Variants in EYA4 observed in about 807,000 individuals in gnomAD.
EYA4 encodes EYA transcriptional coactivator and phosphatase 4, also known as protein phosphatase EYA4.
Under a neutral mutation model 87.9 loss-of-function variants are expected in EYA4, and 31 were observed. That is an observed-to-expected ratio of 0.35 (90% CI 0.27 to 0.48). EYA4 has a LOEUF of 0.48. Ranked by LOEUF, EYA4 falls within the 20% of genes least tolerant of loss-of-function variation. EYA4 has a pLI of 0.99. For synonymous variants in EYA4, 263 were observed against 270.6 expected, an observed-to-expected ratio of 0.97 and a Z score of 0.28; for missense variants, 678 against 761.4, an observed-to-expected ratio of 0.89 and a Z score of 1.29.
intron 3 of EYA4, among the ~76,000 whole-genome samples, chr6:133,419,385 CTT>C (rs1318015026): frequency 6.6e-6 from 1 of 152,162 alleles, no homozygotes; most frequent in African/African-American, 2.4e-5. Flanking sequence ...GGTGTTATCT[CTT>C]GATACACCTC....
intron 2 of EYA4, among the ~76,000 whole-genome samples, chr6:133,278,276 C>A (rs1238618056): frequency 6.6e-6 from 1 of 152,158 alleles, no homozygotes; most frequent in Non-Finnish European, 1.5e-5. Context: ...GCAGCCCTCT[C>A]AGACTACCTC....
chr6:133,460,525 T>C (rs1794286616), intron 6 of EYA4, among the ~76,000 whole-genome samples: 1 of 152,182 alleles, frequency 6.6e-6, no homozygotes. Context: ...ATTTTGTGAT[T>C]ATGTTTTAAA....
rs565259925 is a variant in EYA4 at position 133,270,466 on chromosome 6, G to A, written c.-65-4250G>A. On this transcript the variant is annotated intron_variant, in intron 1 of 19. Coordinates refer to ENST00000355286, the MANE Select transcript of EYA4 (RefSeq NM_004100.5). The stretch of plus-strand genomic sequence containing the variant: ...ATAAAGGTATTTTCTTAGTACAAGT[G>A]TATACATGCACAAACATGTTTTTAA... Among the ~76,000 whole-genome samples the A allele has an allele frequency of 1.4e-3, 220 of 152,240 alleles. 1 individual carries two copies. Among genetic ancestry groups the A allele is most frequent in the Non-Finnish European group, 2.3e-3 (158 of 68,028 alleles).
chr6:133,372,981 G>A lies in EYA4; in HGVS notation c.34-9411G>A, dbSNP rs573031166. On this transcript the variant is annotated intron_variant, in intron 2 of 19. Transcript: ENST00000355286. Reference sequence around the variant, plus strand: ...TATATATGTACTTATACAGACATACGCACACAGATAAACTTTAACAAAACT... The same window carrying A: ...TATATATGTACTTATACAGACATACACACACAGATAAACTTTAACAAAACT... Among the ~76,000 whole-genome samples the A allele has an allele frequency of 4.0e-5, 6 of 151,762 alleles. No individual in the cohort carries two copies. In the South Asian group the frequency reaches 8.3e-4, roughly 21 times the overall value.
chr6:133,437,752 C>A lies in EYA4; in HGVS notation c.84-8878C>A, dbSNP rs143692948. Among the ~76,000 whole-genome samples the A allele has an allele frequency of 4.6e-3, 695 of 152,244 alleles. 7 individuals are homozygous for A. Among genetic ancestry groups the A allele is most frequent in the Non-Finnish European group, 7.3e-3 (499 of 68,012 alleles). ...AAGGTAGCAGGGAGGAGAATGAACA[C>A]AGGAGGAACTACCAAACACTTATGA... On this transcript the variant is annotated intron_variant, in intron 3 of 19. Transcript: ENST00000355286.
intron 2 of EYA4, among the ~76,000 whole-genome samples, chr6:133,320,156 C>CT (rs1780970590): frequency 1.4e-5 from 2 of 144,026 alleles, no homozygotes; most frequent in Admixed American, 6.8e-5. Context: ...TTTTTTGCTC[C>CT]TTTTTTTCCC....
At position 133,402,172 on chromosome 6, in the gene EYA4, C is replaced by A. The variant is rs188072164; in HGVS notation, c.83+19731C>A. Among the ~76,000 whole-genome samples, 266 of 152,200 alleles carry A rather than the reference C, an allele frequency of 1.7e-3. 1 individual carries two copies. The highest frequency in any genetic ancestry group is 1.1e-3 in the Non-Finnish European group (75 of 68,016). ...TTCTAGGGACACAGACACACACACA[C>A]ATACACACACACATACCCCTTCTTT... is the stretch of plus-strand genomic sequence containing the variant. On this transcript the variant is annotated intron_variant, in intron 3 of 19. Coordinates refer to ENST00000355286, the MANE Select transcript of EYA4 (RefSeq NM_004100.5).
At chr6:133,458,728 C>T (rs994866675) in intron 6 of EYA4, among the ~76,000 whole-genome samples, 4 of 152,120 alleles carry the variant, frequency 2.6e-5, no homozygotes, top group East Asian at 1.9e-4. Context: ...GCAAAATTCT[C>T]ACCCCCACCC....
At chr6:133,454,611 G>C (rs1196357578) in intron 5 of EYA4, among the ~76,000 whole-genome samples, 1 of 152,062 alleles carries the variant, frequency 6.6e-6, no homozygotes. Context: ...TAAATCAGTA[G>C]GTGTAAAGGA....
At chr6:133,297,809 A>G (rs1779057643) in intron 2 of EYA4, among the ~76,000 whole-genome samples, 1 of 152,230 alleles carries the variant, frequency 6.6e-6, no homozygotes, top group South Asian at 2.1e-4. Flanking sequence ...GCAACGTTGT[A>G]AACATAGGAG....
At chr6:133,275,127 T>A (rs540316437) in intron 2 of EYA4, among the ~76,000 whole-genome samples, 1 of 152,316 alleles carries the variant, frequency 6.6e-6, no homozygotes, top group South Asian at 2.1e-4. Context: ...ATTATTTTAT[T>A]TCAGATATGC....
chr6:133,446,247 A>T (rs1474727114), intron 3 of EYA4, among the ~76,000 whole-genome samples: 1 of 152,082 alleles, frequency 6.6e-6, no homozygotes, highest in East Asian at 1.9e-4. Flanking sequence ...AGATGACAGA[A>T]TCTGCATTTT....
intron 2 of EYA4, among the ~76,000 whole-genome samples, chr6:133,308,223 TCTAGC>T (rs1168186165): frequency 6.6e-6 from 1 of 152,170 alleles, no homozygotes; most frequent in Non-Finnish European, 1.5e-5. Flanking sequence ...GCTAGTGAGT[TCTAGC>T]CTTCTAATTT....
At chr6:133,523,233 C>G in intron 18 of EYA4, 56 bp downstream of exon 18, 2 of 1,574,100 alleles carry the variant, frequency 1.3e-6, no homozygotes, top group Non-Finnish European at 1.7e-6. Flanking sequence ...TGTGTCTCTG[C>G]CTAGTTCCCT....
chr6:133,333,734 G>A (rs1782155456), intron 2 of EYA4, among the ~76,000 whole-genome samples: 1 of 151,892 alleles, frequency 6.6e-6, no homozygotes, highest in East Asian at 1.9e-4. Context: ...AATTATGTTA[G>A]CAAGAACACT....
chr6:133,264,007 C>T (rs185171709), intron 1 of EYA4, among the ~76,000 whole-genome samples: 42 of 152,308 alleles, frequency 2.8e-4, no homozygotes, highest in Admixed American at 1.5e-3. Context: ...GAATGTACTC[C>T]CCCACTTTCC....
In EYA4 at chr6:133,531,434, C is replaced by T. The variant is rs1801004659; in HGVS notation, c.*2629C>T. 3.7e-6 allele frequency: 2 copies of T among 545,552 alleles called. No individual in the cohort carries two copies. Among genetic ancestry groups the T allele is most frequent in the South Asian group, 2.5e-5 (1 of 39,818 alleles). 33.8% of individuals were successfully genotyped at this position (545,552 alleles called of 1,614,324 possible). A position where few individuals can be genotyped will look rare whatever the true frequency, so the allele number is the denominator to read the frequency against. ...ACAAAACCAACCCCTTGGCAGTTCC[C>T]ACCTCCTATTGACATATGGAATATT... On this transcript the variant is annotated 3_prime_UTR_variant, in exon 20 of 20. Transcript: ENST00000355286.
chr6:133,403,794 T>TTTTTTG (rs776192522), intron 3 of EYA4, among the ~76,000 whole-genome samples: 20 of 152,096 alleles, frequency 1.3e-4, no homozygotes, highest in Non-Finnish European at 2.2e-4. Context: ...TCCTGTCATG[T>TTTTTTG]TTTTTGTTTT....
At chr6:133,280,288 AT>A (rs1777513307) in intron 2 of EYA4, among the ~76,000 whole-genome samples, 1 of 152,238 alleles carries the variant, frequency 6.6e-6, no homozygotes. Flanking sequence ...CTTTGCAGTT[AT>A]GTAGTAGAGT....
Sources: allele counts gnomAD v4.1 joint callset (sites outside exome capture counted in the v4.1 genomes callset), GRCh38; gene constraint gnomAD v4.1.1; transcripts MANE v1.5; gene names NCBI Gene and HGNC (gene_info 2026-07-23, HGNC 2026-07-21).